Variants in UBE2E1 observed in about 807,000 individuals in gnomAD.
The protein encoded by UBE2E1 is ubiquitin-conjugating enzyme E2 E1.
UBE2E1 carries 6 observed loss-of-function variants against 21.4 expected under a neutral mutation model. That is an observed-to-expected ratio of 0.28 (90% confidence interval 0.15 to 0.55). The LOEUF (loss-of-function observed/expected upper bound fraction) is 0.55, where lower values mean the gene tolerates loss of function less well. Ranked by LOEUF, UBE2E1 falls within the 20% of genes least tolerant of loss-of-function variation. UBE2E1 has a pLI of 0.93. For missense variants in UBE2E1, 142 were observed against 236.5 expected (o/e 0.60, Z 2.62); for synonymous variants, 87 against 82.7 (o/e 1.05, Z -0.28).
rs1699372507 is a variant in UBE2E1, at chr3:23,810,793, G to C, written c.153-667G>C. ...CTTCACCGGCGCGGCGCGAGCCGTC[G>C]GGGGCGCGCGCGGGGTGGGGGCGGC... On this transcript the variant is annotated intron_variant, in intron 2 of 5. Transcript: ENST00000306627. This position sits in a 1 kb window ranked among gnomAD's most constrained non-coding sequence, Gnocchi z 5.8. 4.6e-6 allele frequency: 1 copy of C among 218,104 alleles called. No homozygotes were observed. The highest frequency in any genetic ancestry group is 8.9e-6 in the Non-Finnish European group (1 of 111,926). The allele number at this position is 218,104 out of a possible 1,614,324, so 13.5% of individuals were successfully genotyped here.
At chr3:23,875,053 G>A (rs1321766825) in intron 3 of UBE2E1, among the ~76,000 whole-genome samples, 1 of 152,104 alleles carries the variant, frequency 6.6e-6, no homozygotes, top group East Asian at 1.9e-4. Context: ...ATCCCTACCA[G>A]AGTAACTTAA....
At position 23,861,458 on chromosome 3, in the gene UBE2E1, A is replaced by G. The variant is rs371657654; in HGVS notation, c.204-26109A>G. Among the ~76,000 whole-genome samples, 65 of 152,318 alleles carry G rather than the reference A, an allele frequency of 4.3e-4. No homozygotes were observed. In the East Asian group the frequency reaches 0.012, roughly 28 times the overall value. ...GGAGGAGAAGGGTGGGTCCCTGGCGAGGGCTCCACCCCCGGGCCTGTGCCC... is the reference window on the plus strand; with the variant it reads ...GGAGGAGAAGGGTGGGTCCCTGGCGGGGGCTCCACCCCCGGGCCTGTGCCC... On this transcript the variant is annotated intron_variant, in intron 3 of 5. Coordinates refer to ENST00000306627, the MANE Select transcript of UBE2E1 (RefSeq NM_003341.5).
rs1327378522 is a variant in UBE2E1, at chr3:23,890,564, T to C, written c.540T>C (p.His180=). ...AGTATATGACCAACAGAGCAGAACA[T>C]GACAGAATGGCCAGACAGTGGACCA... is the stretch of plus-strand genomic sequence containing the variant. ...ATQYMTNRAE[H]DRMARQWTKR... The change falls in exon 6 of 6, where the codon CAT becomes CAC. Residue 180 remains histidine, a synonymous_variant. Transcript: ENST00000306627. 6.2e-7 allele frequency: 1 copy of C among 1,613,796 alleles called. No homozygotes were observed. Among genetic ancestry groups the C allele is most frequent in the East Asian group, 2.2e-5 (1 of 44,848 alleles).
In UBE2E1 at chr3:23,876,709, T is replaced by C. The variant is rs1449183172; in HGVS notation, c.204-10858T>C. 2.0e-5 allele frequency among the ~76,000 whole-genome samples: 3 copies of C among 151,840 alleles called. No individual in the cohort carries two copies. The highest frequency in any genetic ancestry group is 1.3e-4 in the Admixed American group (2 of 15,242). ...GATGCATATTTATTACTGCAAAGAGTTGTAGACAAGGGAGGAGGGAGCTAA... is the reference window on the plus strand; with the variant it reads ...GATGCATATTTATTACTGCAAAGAGCTGTAGACAAGGGAGGAGGGAGCTAA... On this transcript the variant is annotated intron_variant, in intron 3 of 5. Coordinates refer to ENST00000306627, the MANE Select transcript of UBE2E1 (RefSeq NM_003341.5). The surrounding 1 kb of genome is among the most constrained non-coding windows in gnomAD (Gnocchi z 4.3).
chr3:23,856,674 G>C (rs2125310890), intron 3 of UBE2E1, among the ~76,000 whole-genome samples: 2 of 152,240 alleles, frequency 1.3e-5, no homozygotes, highest in South Asian at 4.1e-4. Flanking sequence ...ACTCCAATGG[G>C]AACTCCTGTT....
intron 5 of UBE2E1, chr3:23,889,465 G>T: frequency 2.9e-6 from 4 of 1,397,092 alleles, no homozygotes; most frequent in South Asian, 3.4e-5. Context: ...TAGCAACAAG[G>T]TATTTTAAAC....
chr3:23,807,080 A>T (rs918422185), intron 1 of UBE2E1, 157 bp from the exon 2 acceptor site: 8 of 542,292 alleles, frequency 1.5e-5, no homozygotes, highest in Non-Finnish European at 2.5e-5. Flanking sequence ...TCCGATTTGC[A>T]AAAGCCTTAA....
rs1427499427 is a variant in UBE2E1, at chr3:23,806,339, C to T, written c.-34+251C>T. 6.6e-6 allele frequency among the ~76,000 whole-genome samples: 1 copy of T among 151,132 alleles called. No individual in the cohort carries two copies. Among genetic ancestry groups the T allele is most frequent in the Non-Finnish European group, 1.5e-5 (1 of 67,498 alleles). On this transcript the variant is annotated intron_variant, in intron 1 of 5. Coordinates refer to ENST00000306627, the MANE Select transcript of UBE2E1 (RefSeq NM_003341.5). This position sits in a 1 kb window ranked among gnomAD's most constrained non-coding sequence, Gnocchi z 6.5. ...GCATTGAGGACGGGGGTCATTGTGG[C>T]TCGAACTGTCAGCGCTGCCCCAAGA...
intron 4 of UBE2E1, chr3:23,888,391 C>T (rs1341377751): frequency 1.1e-5 from 4 of 348,858 alleles, no homozygotes; most frequent in South Asian, 2.0e-5. Context: ...AAGAAGTAAT[C>T]GAAAGTCACT....
intron 3 of UBE2E1, among the ~76,000 whole-genome samples, chr3:23,885,124 C>T (rs546741990): frequency 4.6e-5 from 7 of 152,248 alleles, no homozygotes; most frequent in South Asian, 2.1e-4. Context: ...GGTGAGGATG[C>T]GTTTCTTGGT....
intron 3 of UBE2E1, among the ~76,000 whole-genome samples, chr3:23,850,596 A>C (rs1700300448): frequency 6.6e-6 from 1 of 150,750 alleles, no homozygotes; most frequent in African/African-American, 2.4e-5. Context: ...CTGCAGCCTC[A>C]AACTCCTGAG....
chr3:23,889,004 G>C (rs918477587), intron 4 of UBE2E1, 108 bp from the exon 5 acceptor site: 5 of 1,114,916 alleles, frequency 4.5e-6, no homozygotes, highest in Non-Finnish European at 6.2e-6. Context: ...CTTCTTGACA[G>C]CTTTAATTAA....
intron 3 of UBE2E1, among the ~76,000 whole-genome samples, chr3:23,839,597 G>A (rs1700043064): frequency 6.6e-6 from 1 of 151,960 alleles, no homozygotes; most frequent in Non-Finnish European, 1.5e-5. Context: ...CCTTCTGCCT[G>A]AGAGACTTCC....
At chr3:23,845,585 C>G (rs927505674) in intron 3 of UBE2E1, among the ~76,000 whole-genome samples, 2,578 of 97,840 alleles carry the variant, frequency 0.026, 50 homozygotes, top group African/African-American at 0.066. Flanking sequence ...CTCTCTCTCT[C>G]TCTCTGTGTG....
intron 3 of UBE2E1, among the ~76,000 whole-genome samples, chr3:23,868,916 C>CTG (rs1242752853): frequency 1.3e-5 from 2 of 152,132 alleles, no homozygotes; most frequent in African/African-American, 4.8e-5. Flanking sequence ...ATACCTCATT[C>CTG]TTATTTAAGA....
intron 5 of UBE2E1, among the ~76,000 whole-genome samples, chr3:23,890,185 C>T (rs994644085): frequency 1.3e-5 from 2 of 152,128 alleles, no homozygotes; most frequent in African/African-American, 4.8e-5. Flanking sequence ...AGTCTGAAGC[C>T]TTGACCGTTC....
chr3:23,822,462 G>T (rs1328115381), intron 3 of UBE2E1, among the ~76,000 whole-genome samples: 1 of 149,262 alleles, frequency 6.7e-6, no homozygotes, highest in African/African-American at 2.5e-5. Context: ...TCTCAAAGGA[G>T]TTTTTTTTTT....
At chr3:23,824,894 A>T (rs754857401) in intron 3 of UBE2E1, among the ~76,000 whole-genome samples, 3 of 152,198 alleles carry the variant, frequency 2.0e-5, no homozygotes, top group Non-Finnish European at 4.4e-5. Context: ...TTAAGCCGGA[A>T]AACAGTTTGT....
intron 3 of UBE2E1, among the ~76,000 whole-genome samples, chr3:23,883,730 A>C (rs754202292): frequency 1.3e-5 from 2 of 151,996 alleles, no homozygotes; most frequent in Admixed American, 6.6e-5. Flanking sequence ...GGTCTAGCCA[A>C]TATGGTGAAA....
Sources: gnomAD v4.1 joint callset for allele counts (sites outside exome capture counted in the v4.1 genomes callset) on GRCh38, gnomAD v4.1.1 for gene constraint, Gnocchi (gnomAD v3.1) non-coding constraint, MANE v1.5 for transcripts, NCBI Gene and HGNC (gene_info 2026-07-23, HGNC 2026-07-21) for gene names.